ABHD6: variants seen among roughly 807,000 people sequenced by gnomAD.
ABHD6 encodes abhydrolase domain containing 6, acylglycerol lipase.
In ABHD6, 33 loss-of-function variants were observed where a neutral mutation model predicts 38.8. That is an observed-to-expected ratio of 0.85 (90% CI 0.64 to 1.14). The LOEUF (loss-of-function observed/expected upper bound fraction) is 1.14, where lower values mean the gene tolerates loss of function less well. Ranked by LOEUF, ABHD6 falls within the 50% of genes most tolerant of loss-of-function variation. The pLI is 0.00. For missense variants in ABHD6, 380 were observed against 422.6 expected (o/e 0.90, Z 0.88); for synonymous variants, 147 against 161.6 (o/e 0.91, Z 0.69).
At position 58,274,801 on chromosome 3, in the gene ABHD6, A is replaced by G. The variant is rs1575526589; in HGVS notation, c.667A>G (p.Lys223Glu). Reference protein sequence around the residue: ...MLQLCSYVRFKVPQQILQGLV... With the variant: ...MLQLCSYVRFEVPQQILQGLV... ...TCAGCTCTGCTCCTATGTCCGCTTC[A>G]AGGTGCCCCAGCAGGTAACGTGGTT... Residue 223 changes from lysine (K) to glutamate (E), a missense_variant, in exon 7 of 10, where the codon AAG (lysine) becomes GAG (glutamate). Physicochemically the swap from Lys to Glu is moderately conservative, Grantham distance 56 (BLOSUM62 1). Coordinates refer to ENST00000478253, the MANE Select transcript of ABHD6 (RefSeq NM_001320126.2). 2.5e-6 allele frequency: 4 copies of G among 1,613,852 alleles called. No homozygotes were observed. Among genetic ancestry groups the G allele is most frequent in the Non-Finnish European group, 3.4e-6 (4 of 1,179,876 alleles).
chr3:58,245,019 G>T (rs67293232), intron 1 of ABHD6, among the ~76,000 whole-genome samples: 27,736 of 152,150 alleles, frequency 0.18, 4,294 homozygotes, highest in East Asian at 0.79. Context: ...CAGTGCACAA[G>T]GACCCTGAAT....
At chr3:58,284,894 A>T (rs2097455819) in intron 7 of ABHD6, among the ~76,000 whole-genome samples, 191 bp from the exon 8 acceptor site, 1 of 152,006 alleles carries the variant, frequency 6.6e-6, no homozygotes, top group Non-Finnish European at 1.5e-5. Flanking sequence ...ATAATAATAA[A>T]AAGCTTCTTA....
chr3:58,248,613 G>A (rs1396127493), intron 1 of ABHD6, among the ~76,000 whole-genome samples: 1 of 152,186 alleles, frequency 6.6e-6, no homozygotes, highest in Non-Finnish European at 1.5e-5. Flanking sequence ...CAGGAGAATC[G>A]CTTGAACCCG....
rs2097456390 is a variant in ABHD6, at chr3:58,285,720, T to G, written c.837+267T>G. The stretch of plus-strand genomic sequence containing the variant: ...ATCAAAGCCATGTAGTCACATGGTA[T>G]AAAAAGATCTTCAAAGAACACCAAA... On this transcript the variant is annotated intron_variant, in intron 9 of 9. Coordinates refer to ENST00000478253, the MANE Select transcript of ABHD6 (RefSeq NM_001320126.2). This position sits in a 1 kb window ranked among gnomAD's most constrained non-coding sequence, Gnocchi z 4.9. Among the ~76,000 whole-genome samples the G allele has an allele frequency of 6.6e-6, 1 of 152,240 alleles. No individual in the cohort carries two copies. Among genetic ancestry groups the G allele is most frequent in the African/African-American group, 2.4e-5 (1 of 41,456 alleles).
chr3:58,276,373 T>C (rs925888209), intron 7 of ABHD6, among the ~76,000 whole-genome samples: 7 of 152,224 alleles, frequency 4.6e-5, no homozygotes, highest in African/African-American at 1.7e-4. Flanking sequence ...CCAGTGATGA[T>C]GAGCAGTTTT....
chr3:58,264,895 G>T (rs2107448017), intron 3 of ABHD6, among the ~76,000 whole-genome samples: 1 of 152,214 alleles, frequency 6.6e-6, no homozygotes, highest in East Asian at 1.9e-4. Context: ...TATCCTTTGA[G>T]TTACAAACAA....
chr3:58,250,658 C>CT, intron 2 of ABHD6, among the ~76,000 whole-genome samples: 1 of 152,154 alleles, frequency 6.6e-6, no homozygotes, highest in East Asian at 1.9e-4. Context: ...GAAAATTTTT[C>CT]TTTTTACCTT....
chr3:58,289,603 A>G (rs566412634), intron 9 of ABHD6, among the ~76,000 whole-genome samples: 63 of 152,344 alleles, frequency 4.1e-4, no homozygotes, highest in African/African-American at 1.5e-3. Context: ...TTCTTAGTAC[A>G]GAACAAAATG....
At chr3:58,258,139 C>G (rs139816147) in intron 3 of ABHD6, among the ~76,000 whole-genome samples, 5 of 152,166 alleles carry the variant, frequency 3.3e-5, no homozygotes, top group African/African-American at 1.2e-4. Flanking sequence ...GAAACCCAAT[C>G]TCTACTAAAA....
At chr3:58,252,769 G>T (rs1191949883) in intron 2 of ABHD6, among the ~76,000 whole-genome samples, 1 of 152,160 alleles carries the variant, frequency 6.6e-6, no homozygotes, top group Non-Finnish European at 1.5e-5. Context: ...GGTTCATAAT[G>T]CTTCAGTTTG....
In ABHD6 at chr3:58,263,116, G is replaced by T. The variant is rs781483485; in HGVS notation, c.120-4073G>T. Among the ~76,000 whole-genome samples the T allele has an allele frequency of 5.8e-4, 89 of 152,210 alleles. No individual in the cohort carries two copies. The highest frequency in any genetic ancestry group is 1.1e-3 in the Non-Finnish European group (75 of 68,028). On this transcript the variant is annotated intron_variant, in intron 3 of 9. Coordinates refer to ENST00000478253, the MANE Select transcript of ABHD6 (RefSeq NM_001320126.2). This position sits in a 1 kb window ranked among gnomAD's most constrained non-coding sequence, Gnocchi z 4.9. The stretch of plus-strand genomic sequence containing the variant: ...CCAGCTACTTGGGAGGCTGAAGTGG[G>T]AGAATCGTTTGAAAGCAGAAGGTGG...
intron 1 of ABHD6, among the ~76,000 whole-genome samples, chr3:58,246,321 A>G (rs551137767): frequency 6.6e-6 from 1 of 152,350 alleles, no homozygotes; most frequent in Admixed American, 6.5e-5. Flanking sequence ...TGATGTTGCC[A>G]GGTCAGTGTA....
rs2097433817 is a variant in ABHD6 at position 58,256,962 on chromosome 3, G to A, written c.119+257G>A. On this transcript the variant is annotated intron_variant, in intron 3 of 9. Transcript: ENST00000478253. This position sits in a 1 kb window ranked among gnomAD's most constrained non-coding sequence, Gnocchi z 4.3. ...TCTGTTGCCCAGGCTGGAGTGCAGT[G>A]GGATGATCTCAGCTCACTGCAACCT... 6.6e-6 allele frequency among the ~76,000 whole-genome samples: 1 copy of A among 152,110 alleles called. No homozygotes were observed. The highest frequency in any genetic ancestry group is 2.4e-5 in the African/African-American group (1 of 41,410).
chr3:58,283,527 A>T (rs1325875297), intron 7 of ABHD6, among the ~76,000 whole-genome samples: 1 of 152,306 alleles, frequency 6.6e-6, no homozygotes, highest in Non-Finnish European at 1.5e-5. Flanking sequence ...GGATGGATTG[A>T]TGGATGAGAG....
At chr3:58,247,822 G>A (rs542755100) in intron 1 of ABHD6, among the ~76,000 whole-genome samples, 1 of 152,154 alleles carries the variant, frequency 6.6e-6, no homozygotes, top group Admixed American at 6.5e-5. Flanking sequence ...TGGTCTGCCC[G>A]CCTCGGCTTC....
In ABHD6 at chr3:58,285,902, A is replaced by G. The variant is rs1336377823; in HGVS notation, c.837+449A>G. On this transcript the variant is annotated intron_variant, in intron 9 of 9. Transcript: ENST00000478253. The surrounding 1 kb of genome is among the most constrained non-coding windows in gnomAD (Gnocchi z 4.9). ...ACCCAGGCTGGAGTGCAGTGGCCCAATCTTGGCTCACTGCAACTTCTGCCT... is the reference window on the plus strand; with the variant it reads ...ACCCAGGCTGGAGTGCAGTGGCCCAGTCTTGGCTCACTGCAACTTCTGCCT... Among the ~76,000 whole-genome samples the G allele has an allele frequency of 6.6e-6, 1 of 152,138 alleles. No homozygotes were observed. Among genetic ancestry groups the G allele is most frequent in the Admixed American group, 6.5e-5 (1 of 15,270 alleles).
intron 6 of ABHD6, 119 bp downstream of exon 6, chr3:58,271,183 C>A: frequency 8.9e-7 from 1 of 1,122,226 alleles, no homozygotes; most frequent in Non-Finnish European, 1.2e-6. Context: ...GAGAGATATG[C>A]AGTGTTTTAC....
chr3:58,256,649 G>C lies in ABHD6; in HGVS notation c.63G>C (p.Leu21=). Residue 21 remains leucine, a synonymous_variant, in exon 3 of 10, where the codon CTG becomes CTC. Transcript: ENST00000478253. The surrounding 1 kb of genome is among the most constrained non-coding windows in gnomAD (Gnocchi z 4.3). ...GCGGCACGCTGGCCATCCCAATCCT[G>C]GCATTTGTGGCTTCATTTCTTCTGT... ...IAGGTLAIPI[L]AFVASFLLWP... is the part of the protein sequence containing the mutation. The C allele has an allele frequency of 6.2e-7, 1 of 1,613,746 alleles. No homozygotes were observed. Among genetic ancestry groups the C allele is most frequent in the Non-Finnish European group, 8.5e-7 (1 of 1,180,026 alleles).
At chr3:58,275,274 G>C (rs532907759) in intron 7 of ABHD6, among the ~76,000 whole-genome samples, 3 of 151,392 alleles carry the variant, frequency 2.0e-5, no homozygotes, top group African/African-American at 4.9e-5. Flanking sequence ...AGGGAGGCAG[G>C]GGCTAAATCA....
Sources: allele counts gnomAD v4.1 joint callset (sites outside exome capture counted in the v4.1 genomes callset), GRCh38; gene constraint gnomAD v4.1.1; non-coding constraint Gnocchi (gnomAD v3.1); transcripts MANE v1.5; gene names NCBI Gene and HGNC (gene_info 2026-07-23, HGNC 2026-07-21).